The following BMPR1A variants were observed in gnomAD, a reference collection of about 807,000 sequenced individuals.
BMPR1A encodes bone morphogenetic protein receptor type 1A.
BMPR1A carries 7 observed loss-of-function variants against 66.0 expected under a neutral mutation model. The observed-to-expected ratio is 0.11, with a 90% CI of 0.06 to 0.20. The LOEUF (loss-of-function observed/expected upper bound fraction) is 0.20, where lower values mean the gene tolerates loss of function less well. Among genes scored for constraint, BMPR1A ranks in the 10% least tolerant of loss-of-function variants. The probability of loss-of-function intolerance (pLI) is 1.00; values close to 1 mark genes in which losing one functional copy is unlikely to be tolerated. For missense variants in BMPR1A, 408 were observed against 669.1 expected (o/e 0.61, Z 4.31); for synonymous variants, 200 against 229.7 (o/e 0.87, Z 1.17).
At chr10:86,859,600 A>C (rs962880531) in intron 2 of BMPR1A, among the ~76,000 whole-genome samples, 4 of 152,000 alleles carry the variant, frequency 2.6e-5, no homozygotes, top group African/African-American at 9.7e-5. Context: ...CAGGTGGATC[A>C]CCTGAGGTCA....
chr10:86,834,555 A>C (rs1440975827), intron 1 of BMPR1A, among the ~76,000 whole-genome samples: 1 of 152,316 alleles, frequency 6.6e-6, no homozygotes, highest in Non-Finnish European at 1.5e-5. Flanking sequence ...TTTTATGAGT[A>C]AAGGCATCTT....
chr10:86,843,492 G>C (rs927707686), intron 2 of BMPR1A: 1 of 152,224 alleles, frequency 6.6e-6, no homozygotes, highest in Non-Finnish European at 1.5e-5. Context: ...CACCCTTGGT[G>C]TGTAGTCCAG....
chr10:86,856,003 C>T, intron 2 of BMPR1A: 1 of 621,976 alleles, frequency 1.6e-6, no homozygotes, highest in Non-Finnish European at 3.0e-6. Flanking sequence ...AGTTGAAAAT[C>T]TGGATGCCTC....
intron 1 of BMPR1A, among the ~76,000 whole-genome samples, chr10:86,774,977 TC>T (rs1447974447): frequency 6.6e-6 from 1 of 152,214 alleles, no homozygotes; most frequent in East Asian, 1.9e-4. Context: ...GTAAAATACT[TC>T]CCGTGAAAGG....
intron 1 of BMPR1A, among the ~76,000 whole-genome samples, chr10:86,780,231 A>G (rs549377554): frequency 4.6e-5 from 7 of 152,134 alleles, no homozygotes; most frequent in African/African-American, 7.2e-5. Context: ...GTAGTTTGCA[A>G]ATATTTTCTC....
intron 3 of BMPR1A, among the ~76,000 whole-genome samples, chr10:86,886,254 A>G (rs1843066006): frequency 6.6e-6 from 1 of 152,164 alleles, no homozygotes. Flanking sequence ...CTGGGAGCAC[A>G]CAGTGGAGGT....
intron 1 of BMPR1A, among the ~76,000 whole-genome samples, chr10:86,805,974 C>T (rs1440079627): frequency 6.7e-6 from 1 of 149,366 alleles, no homozygotes; most frequent in Non-Finnish European, 1.5e-5. Context: ...ATTTGGTTGT[C>T]CTGCCTCTTT....
At chr10:86,782,140 G>A (rs900463413) in intron 1 of BMPR1A, among the ~76,000 whole-genome samples, 2 of 152,114 alleles carry the variant, frequency 1.3e-5, no homozygotes, top group African/African-American at 4.8e-5. Context: ...TGGGATTACA[G>A]GTGTGAGCCA....
chr10:86,795,031 A>G (rs1254205780), intron 1 of BMPR1A, among the ~76,000 whole-genome samples: 1 of 151,902 alleles, frequency 6.6e-6, no homozygotes, highest in Non-Finnish European at 1.5e-5. Flanking sequence ...TTGTATTTTT[A>G]GTAGAGATGG....
intron 3 of BMPR1A, among the ~76,000 whole-genome samples, chr10:86,887,871 A>G (rs1843088310): frequency 1.3e-5 from 2 of 152,204 alleles, no homozygotes; most frequent in South Asian, 4.1e-4. Flanking sequence ...TGGCTTGCCC[A>G]AGACCATCCA....
chr10:86,919,603 G>A (rs899562099), intron 10 of BMPR1A, 134 bp downstream of exon 10: 1 of 1,221,386 alleles, frequency 8.2e-7, no homozygotes, highest in Non-Finnish European at 1.2e-6. Flanking sequence ...TATAGTTGGG[G>A]GGGATTTTGT....
rs142538178 is a variant in BMPR1A, at chr10:86,802,517, T to TC, written c.-267-36348_-267-36347insC. 4.7e-3 allele frequency among the ~76,000 whole-genome samples: 716 copies of TC among 152,262 alleles called. 4 individuals are homozygous for TC. Among genetic ancestry groups the TC allele is most frequent in the Non-Finnish European group, 8.3e-3 (565 of 68,014 alleles). ...AAGAAACTAAAAATTTGACGTGGGA[T>TC]GTCACATTCAAATAAGCAGTTTTTT... On this transcript the variant is annotated intron_variant, in intron 1 of 12. Transcript: ENST00000372037.
intron 2 of BMPR1A, chr10:86,856,001 A>G: frequency 4.8e-6 from 3 of 624,950 alleles, no homozygotes; most frequent in South Asian, 4.6e-5. Context: ...GCAGTTGAAA[A>G]TCTGGATGCC....
intron 2 of BMPR1A, among the ~76,000 whole-genome samples, chr10:86,851,279 T>C (rs925148461): frequency 1.6e-4 from 24 of 152,242 alleles, no homozygotes; most frequent in African/African-American, 5.5e-4. Context: ...TTATGGTTGG[T>C]TTAATTCCCC....
intron 3 of BMPR1A, among the ~76,000 whole-genome samples, chr10:86,880,817 A>G (rs1237913791): frequency 6.6e-6 from 1 of 152,242 alleles, no homozygotes; most frequent in Admixed American, 6.5e-5. Context: ...CAAAGGATTC[A>G]GTGACCAGTT....
At chr10:86,852,202 A>G (rs752737639) in intron 2 of BMPR1A, among the ~76,000 whole-genome samples, 2 of 152,204 alleles carry the variant, frequency 1.3e-5, no homozygotes, top group African/African-American at 2.4e-5. Context: ...GCAAGTTCTT[A>G]TACATTTCAA....
chr10:86,842,955 A>G (rs920507699), intron 2 of BMPR1A, among the ~76,000 whole-genome samples: 1 of 152,246 alleles, frequency 6.6e-6, no homozygotes, highest in Non-Finnish European at 1.5e-5. Flanking sequence ...TATGGGAGCT[A>G]CAATTCAAGA....
chr10:86,791,229 T>C (rs1841613039), intron 1 of BMPR1A, among the ~76,000 whole-genome samples: 2 of 152,084 alleles, frequency 1.3e-5, no homozygotes, highest in East Asian at 3.9e-4. Context: ...TTTTTTTTTT[T>C]TGAGACAAAG....
intron 1 of BMPR1A, among the ~76,000 whole-genome samples, chr10:86,769,842 A>G (rs561531545): frequency 1.3e-5 from 2 of 152,194 alleles, no homozygotes; most frequent in African/African-American, 4.8e-5. Context: ...ATCTGTACCT[A>G]TTTGAGCAAA....
Sources: allele counts gnomAD v4.1 joint callset (sites outside exome capture counted in the v4.1 genomes callset), GRCh38; gene constraint gnomAD v4.1.1; transcripts MANE v1.5; gene names NCBI Gene and HGNC (gene_info 2026-07-23, HGNC 2026-07-21).